The following CFAP69 variants were observed in gnomAD, a reference collection of about 807,000 sequenced individuals.
CFAP69 encodes the protein cilia and flagella associated protein 69.
Under a neutral mutation model 123.0 loss-of-function variants are expected in CFAP69, and 92 were observed. The observed-to-expected ratio is 0.75, with a 90% CI of 0.63 to 0.89. CFAP69 has a LOEUF of 0.89. CFAP69 is among the 40% of genes least tolerant of loss of function. CFAP69 has a pLI of 0.00. For synonymous variants in CFAP69, 380 were observed against 364.3 expected (o/e 1.04, Z -0.49); for missense variants, 1,067 against 1,096.9 (o/e 0.97, Z 0.39).
At chr7:90,284,778 A>C (rs1790018314) in intron 13 of CFAP69, among the ~76,000 whole-genome samples, 1 of 152,206 alleles carries the variant, frequency 6.6e-6, no homozygotes, top group African/African-American at 2.4e-5. Context: ...GTTCAGAACT[A>C]GTTTAAGAGG....
intron 17 of CFAP69, chr7:90,303,702 G>A (rs996446742): frequency 2.0e-6 from 2 of 1,007,068 alleles, no homozygotes. Context: ...TATTTACATA[G>A]AAGTTTTACT....
rs762799132 is a variant in CFAP69, at chr7:90,310,215, C to A, written c.2803C>A (p.Pro935Thr). Residue 935 changes from proline (P) to threonine (T), a missense_variant, in exon 23 of 23, where the codon CCA becomes ACA. Pro to Thr is a conservative substitution (Grantham distance 38, BLOSUM62 -1). Transcript: ENST00000389297. ...RVKAVKIVDA[P>T]KKSIPT ...GAAAGCAGTTAAAATTGTGGATGCA[C>A]CAAAAAAGAGTATTCCTACGTAATA... 1.2e-6 allele frequency: 2 copies of A among 1,610,428 alleles called. No individual in the cohort carries two copies. The highest frequency in any genetic ancestry group is 3.4e-5 in the Admixed American group (2 of 59,286).
At chr7:90,300,155 T>C in intron 17 of CFAP69, 96 bp downstream of exon 17, 1 of 1,214,546 alleles carries the variant, frequency 8.2e-7, no homozygotes, top group Non-Finnish European at 1.0e-6. Flanking sequence ...TTTCACCCCT[T>C]TGTCTAAAGT....
chr7:90,318,623 A>G, the CFAP69 span: 1 of 152,138 alleles, frequency 6.6e-6, no homozygotes, highest in Admixed American at 6.5e-5. Flanking sequence ...TCTAAAAAAT[A>G]TATCACATTT....
chr7:90,313,981 C>T (rs189625996), downstream of CFAP69, among the ~76,000 whole-genome samples: 239 of 152,260 alleles, frequency 1.6e-3, 2 homozygotes, highest in Middle Eastern at 6.8e-3. Context: ...TTTGATATGA[C>T]GTGTTGAGTA....
intron 17 of CFAP69, chr7:90,300,319 G>A (rs1792608430): frequency 1.1e-6 from 1 of 917,444 alleles, no homozygotes; most frequent in Non-Finnish European, 1.3e-6. Context: ...AATTAAAGTA[G>A]TTCCTAAAGA....
downstream of CFAP69, chr7:90,312,930 GACTTTT>G (rs1434628287): frequency 6.6e-6 from 1 of 152,190 alleles, no homozygotes; most frequent in Non-Finnish European, 1.5e-5. Context: ...TCAGTAATGA[GACTTTT>G]ACCACATGGG....
In CFAP69 at chr7:90,298,729, G is replaced by A. The variant is rs184323522; in HGVS notation, c.1857+899G>A. Among the ~76,000 whole-genome samples the A allele has an allele frequency of 9.9e-5, 15 of 152,232 alleles. No homozygotes were observed. The East Asian group carries it at 2.9e-3, about 29-fold the overall frequency. ...ATTGTATGTCTGTGTGTGCATCTAAGTGTGCATGCATACATATATATTATA... is the reference window on the plus strand; with the variant it reads ...ATTGTATGTCTGTGTGTGCATCTAAATGTGCATGCATACATATATATTATA... On this transcript the variant is annotated intron_variant, in intron 16 of 22. Transcript: ENST00000389297.
rs372316896 is a variant in CFAP69, at chr7:90,292,450, A to G, written c.1775+4098A>G. On this transcript the variant is annotated intron_variant, in intron 15 of 22. Transcript: ENST00000389297. ...CATCAAGTCTGATTCCTCAAAGCAC[A>G]CCATTCCAGTCAAAGCCTTAGTAAA... Among the ~76,000 whole-genome samples, 5 of 152,302 alleles carry G rather than the reference A, an allele frequency of 3.3e-5. No individual in the cohort carries two copies. The East Asian group carries it at 9.6e-4, about 29-fold the overall frequency.
chr7:90,285,551 T>C (rs1790147226), intron 13 of CFAP69, among the ~76,000 whole-genome samples: 1 of 152,192 alleles, frequency 6.6e-6, no homozygotes, highest in South Asian at 2.1e-4. Context: ...TTAAAGGACA[T>C]GGAATACTGT....
At chr7:90,301,091 C>A (rs1275257030) in intron 17 of CFAP69, 2 of 152,182 alleles carry the variant, frequency 1.3e-5, no homozygotes, top group East Asian at 3.9e-4. Flanking sequence ...GCCTCAGCCT[C>A]CTGAGTAGCT....
At chr7:90,305,227 G>C (rs1793390668) in intron 19 of CFAP69, among the ~76,000 whole-genome samples, 1 of 151,492 alleles carries the variant, frequency 6.6e-6, no homozygotes, top group South Asian at 2.1e-4. Flanking sequence ...TATAGTCCCA[G>C]CTACTCGGGA....
At chr7:90,272,028 CTTTG>C (rs1800027200) in intron 8 of CFAP69, 70 bp downstream of exon 8, 2 of 1,379,458 alleles carry the variant, frequency 1.4e-6, no homozygotes, top group South Asian at 1.5e-5. Context: ...TAACTAACAT[CTTTG>C]TTTGAATCTG....
chr7:90,318,372 A>G, the CFAP69 span: 14 of 152,228 alleles, frequency 9.2e-5, no homozygotes, highest in East Asian at 2.7e-3. Flanking sequence ...TCCTTTTTCA[A>G]AACAAAGACA....
At chr7:90,261,223 G>A (rs2116736425) in intron 3 of CFAP69, among the ~76,000 whole-genome samples, 1 of 152,146 alleles carries the variant, frequency 6.6e-6, no homozygotes, top group East Asian at 1.9e-4. Flanking sequence ...GGGATTACAG[G>A]CACCACCACG....
intron 4 of CFAP69, among the ~76,000 whole-genome samples, chr7:90,263,934 C>T (rs919928867): frequency 5.4e-5 from 8 of 149,086 alleles, no homozygotes; most frequent in African/African-American, 2.0e-4. Context: ...ATTAAAAATG[C>T]AAAAAAAATA....
At chr7:90,288,210 A>G (rs1358871162) in intron 14 of CFAP69, 24 bp from the exon 15 acceptor site, 2 of 1,564,002 alleles carry the variant, frequency 1.3e-6, no homozygotes, top group East Asian at 4.5e-5. Flanking sequence ...TCAAGAAATA[A>G]TTTAAAACAA....
intron 15 of CFAP69, among the ~76,000 whole-genome samples, chr7:90,291,397 G>C (rs1791169286): frequency 6.6e-6 from 1 of 152,124 alleles, no homozygotes; most frequent in Admixed American, 6.6e-5. Context: ...TATTGGTTTT[G>C]ATGAGTTTTA....
chr7:90,278,336 C>A (rs1788907829), intron 11 of CFAP69, among the ~76,000 whole-genome samples: 1 of 152,058 alleles, frequency 6.6e-6, no homozygotes, highest in Non-Finnish European at 1.5e-5. Flanking sequence ...CTGAGCTGAA[C>A]ATTTTCTTAG....
Sources: allele counts gnomAD v4.1 joint callset (sites outside exome capture counted in the v4.1 genomes callset), GRCh38; gene constraint gnomAD v4.1.1; transcripts MANE v1.5; gene names NCBI Gene and HGNC (gene_info 2026-07-23, HGNC 2026-07-21).